The following COQ8B variants were observed in gnomAD, a reference collection of about 807,000 sequenced individuals.
COQ8B encodes the protein atypical kinase COQ8B, mitochondrial.
Under a neutral mutation model 62.0 loss-of-function variants are expected in COQ8B, and 44 were observed. The observed-to-expected ratio is 0.71, with a 90% CI of 0.56 to 0.91. The LOEUF (loss-of-function observed/expected upper bound fraction) is 0.91, where lower values mean the gene tolerates loss of function less well. COQ8B is among the 40% of genes least tolerant of loss of function. The pLI is 0.00. For missense variants in COQ8B, 649 were observed against 731.6 expected (o/e 0.89, Z 1.30); for synonymous variants, 252 against 289.9 (o/e 0.87, Z 1.33).
At chr19:40,695,089 A>G (rs1402328253) in intron 13 of COQ8B, among the ~76,000 whole-genome samples, 2 of 152,168 alleles carry the variant, frequency 1.3e-5, no homozygotes, top group Admixed American at 6.5e-5. Context: ...AGGCCAAGGC[A>G]GGAGGATCAC....
In COQ8B at chr19:40,696,042, C is replaced by CCA; in HGVS notation, c.1154_1155dup (p.Asp386TrpfsTer21). The CCA allele has an allele frequency of 3.1e-6, 5 of 1,614,086 alleles. No individual in the cohort carries two copies. Among genetic ancestry groups the CCA allele is most frequent in the Non-Finnish European group, 4.2e-6 (5 of 1,179,994 alleles). ...CCAAACTCCCGGCTTGCACCAAAGT[C>CCA]CAGCAGGGTCACCTGGAAGCAAGGA... On this transcript the variant is annotated frameshift_variant, in exon 13 of 15. Transcript: ENST00000324464. LOFTEE classifies it high-confidence loss of function.
In COQ8B at chr19:40,705,388, C is replaced by T. The variant is rs199641731; in HGVS notation, c.427G>A (p.Val143Met). ...FLSEANAERI[V>M]QTLCTVRGAA... ...CCTCGAACTGTACATAAGGTCTGCACAATCCGCTCGGCATTGGCCTCCGAC... is the reference window on the plus strand; with the variant it reads ...CCTCGAACTGTACATAAGGTCTGCATAATCCGCTCGGCATTGGCCTCCGAC... Residue 143 changes from valine (V) to methionine (M), a missense_variant, in exon 6 of 15, where the codon GTG becomes ATG. Physicochemically the swap from Val to Met is conservative, Grantham distance 21 (BLOSUM62 1). Coordinates refer to ENST00000324464, the MANE Select transcript of COQ8B (RefSeq NM_024876.4). 54 of 1,598,282 alleles carry T rather than the reference C, an allele frequency of 3.4e-5. No individual in the cohort carries two copies. The highest frequency in any genetic ancestry group is 3.4e-5 in the Admixed American group (2 of 59,450).
chr19:40,705,276 C>T (rs1267053877), intron 6 of COQ8B, 49 bp downstream of exon 6: 6 of 1,586,116 alleles, frequency 3.8e-6, no homozygotes, highest in African/African-American at 1.3e-5. Context: ...GTGGGTAGGG[C>T]TGGGGTAGAA....
At chr19:40,693,693 C>T (rs2081991320) in intron 13 of COQ8B, among the ~76,000 whole-genome samples, 2 of 152,122 alleles carry the variant, frequency 1.3e-5, no homozygotes, top group South Asian at 4.1e-4. Context: ...GTGGGGATGC[C>T]AAAAGTGCCT....
At chr19:40,703,966 G>T in intron 7 of COQ8B, 111 bp from the exon 8 acceptor site, 1 of 1,347,376 alleles carries the variant, frequency 7.4e-7, no homozygotes, top group Non-Finnish European at 9.9e-7. Context: ...CCTGGGCTAA[G>T]CTCTTGGCTG....
At chr19:40,692,908 C>T in intron 14 of COQ8B, 43 bp downstream of exon 14, 1 of 1,586,876 alleles carries the variant, frequency 6.3e-7, no homozygotes, top group Non-Finnish European at 8.6e-7. Flanking sequence ...CACTGCACCC[C>T]ACCAACAGAC....
In COQ8B at chr19:40,703,632, G is replaced by A; in HGVS notation, c.718-10C>T. On this transcript the variant is annotated splice_polypyrimidine_tract_variant and intron_variant, in intron 8 of 14. Coordinates refer to ENST00000324464, the MANE Select transcript of COQ8B (RefSeq NM_024876.4). ...GGGCTATGCCGGGGTACTGTAAAGGGAGAAGGGAGGGAGAGAAGGTGGGAG... is the reference window on the plus strand; with the variant it reads ...GGGCTATGCCGGGGTACTGTAAAGGAAGAAGGGAGGGAGAGAAGGTGGGAG... 1 of 1,613,288 alleles carries A rather than the reference G, an allele frequency of 6.2e-7. No homozygotes were observed. Among genetic ancestry groups the A allele is most frequent in the East Asian group, 2.2e-5 (1 of 44,848 alleles).
intron 5 of COQ8B, among the ~76,000 whole-genome samples, chr19:40,705,651 C>T (rs1020899866): frequency 9.9e-5 from 15 of 152,110 alleles, no homozygotes; most frequent in South Asian, 4.1e-4. Flanking sequence ...ATGGCTAAAA[C>T]GAAATACGGA....
At chr19:40,706,644 A>G (rs1327015506) in intron 5 of COQ8B, among the ~76,000 whole-genome samples, 1 of 152,238 alleles carries the variant, frequency 6.6e-6, no homozygotes, top group Non-Finnish European at 1.5e-5. Context: ...ACTTTCTGTA[A>G]AAATGGGGCC....
rs2082129649 is a variant in COQ8B, at chr19:40,710,144, G to A, written c.290-8C>T. ...CCAAGCCCACAGCCAGTCCTGGAGT[G>A]CAAGAGAAGAACATGAGTGCCCGTT... On this transcript the variant is annotated splice_polypyrimidine_tract_variant and splice_region_variant and intron_variant, in intron 4 of 14. Coordinates refer to ENST00000324464, the MANE Select transcript of COQ8B (RefSeq NM_024876.4). 4.3e-6 allele frequency: 7 copies of A among 1,613,898 alleles called. No individual in the cohort carries two copies. Among genetic ancestry groups the A allele is most frequent in the African/African-American group, 4.0e-5 (3 of 75,062 alleles).
intron 9 of COQ8B, 117 bp from the exon 10 acceptor site, chr19:40,702,810 G>T: frequency 1.1e-6 from 1 of 888,422 alleles, no homozygotes; most frequent in Non-Finnish European, 1.8e-6. Flanking sequence ...CCTACTCTAG[G>T]CCTGTGACCC....
chr19:40,697,744 C>A (rs769047562), intron 12 of COQ8B, among the ~76,000 whole-genome samples: 1 of 148,844 alleles, frequency 6.7e-6, no homozygotes, highest in South Asian at 2.1e-4. Context: ...TGCAGTGAGT[C>A]GAGATTGTGC....
Position 40,691,786 on chromosome 19 carries a change from A to G in COQ8B, c.*249T>C. ...CCAAGGCTCCCTCAAATGTTGGCAA[A>G]GATAAGTTAACCGCTTCCCTGGCTT... On this transcript the variant is annotated 3_prime_UTR_variant, in exon 15 of 15. Coordinates refer to ENST00000324464, the MANE Select transcript of COQ8B (RefSeq NM_024876.4). The G allele has an allele frequency of 2.5e-6, 1 of 399,910 alleles. No individual in the cohort carries two copies. The highest frequency in any genetic ancestry group is 2.0e-5 in the African/African-American group (1 of 49,856). 24.8% of individuals were successfully genotyped at this position (399,910 alleles called of 1,614,324 possible).
rs2082012784 is a variant in COQ8B at position 40,696,073 on chromosome 19, G to A, written c.1144-19C>T. Reference sequence around the variant, plus strand: ...GGGTCACCTGGAAGCAAGGAATGGTGAAAGGAATGCTGGGATCCCATTCAC... The same window carrying A: ...GGGTCACCTGGAAGCAAGGAATGGTAAAAGGAATGCTGGGATCCCATTCAC... On this transcript the variant is annotated intron_variant, in intron 12 of 14. Transcript: ENST00000324464. The A allele has an allele frequency of 6.2e-7, 1 of 1,613,248 alleles. No individual in the cohort carries two copies. Among genetic ancestry groups the A allele is most frequent in the African/African-American group, 1.3e-5 (1 of 74,948 alleles).
In COQ8B at chr19:40,716,872, T is replaced by C. The variant is rs1192440983; in HGVS notation, c.-289A>G. The stretch of plus-strand genomic sequence containing the variant: ...GCCCTAGATGCATACCTGGCCGCGC[T>C]TCGGATGCTCAGAGGCAAACCCCCT... On this transcript the variant is annotated 5_prime_UTR_variant, in exon 1 of 15. Transcript: ENST00000324464. 1.7e-5 allele frequency: 4 copies of C among 238,578 alleles called. No homozygotes were observed. The highest frequency in any genetic ancestry group is 3.2e-5 in the Non-Finnish European group (4 of 123,994). 14.8% of individuals were successfully genotyped at this position (238,578 alleles called of 1,614,324 possible). A position where few individuals can be genotyped will look rare whatever the true frequency, so the allele number is the denominator to read the frequency against.
At chr19:40,709,608 G>A (rs1485489975) in intron 5 of COQ8B, among the ~76,000 whole-genome samples, 1 of 152,168 alleles carries the variant, frequency 6.6e-6, no homozygotes, top group Admixed American at 6.5e-5. Flanking sequence ...CACTTTGGGA[G>A]GCCAAGGCGG....
chr19:40,714,683 T>C (rs1385729143), intron 1 of COQ8B, 48 bp from the exon 2 acceptor site: 11 of 1,489,650 alleles, frequency 7.4e-6, no homozygotes, highest in Non-Finnish European at 2.7e-6. Flanking sequence ...GCCTGGCTTC[T>C]TGGCCAGGCC....
intron 4 of COQ8B, among the ~76,000 whole-genome samples, chr19:40,712,659 G>A (rs965460813): frequency 1.3e-5 from 2 of 152,166 alleles, no homozygotes; most frequent in African/African-American, 4.8e-5. Context: ...AACCAGTGCA[G>A]ACCAAGGTAT....
At chr19:40,696,499 T>C (rs1342301087) in intron 12 of COQ8B, among the ~76,000 whole-genome samples, 1 of 152,054 alleles carries the variant, frequency 6.6e-6, no homozygotes, top group Non-Finnish European at 1.5e-5. Context: ...ATCCCGTCTC[T>C]ACTAAAAATA....
Sources: gnomAD v4.1 joint callset for allele counts (sites outside exome capture counted in the v4.1 genomes callset) on GRCh38, gnomAD v4.1.1 for gene constraint, MANE v1.5 for transcripts, NCBI Gene and HGNC (gene_info 2026-07-23, HGNC 2026-07-21) for gene names.